The following FRYL variants were observed in gnomAD, a reference collection of about 807,000 sequenced individuals.
FRYL encodes the protein FRY like transcription coactivator, also known as protein furry homolog-like.
A neutral mutation model predicts 351.2 loss-of-function variants in FRYL; 150 were observed. The observed-to-expected ratio is 0.43, with a 90% CI of 0.37 to 0.49. FRYL has a LOEUF of 0.49. FRYL is among the 20% of genes least tolerant of loss of function. The pLI, the probability that FRYL is intolerant of heterozygous loss-of-function variation, is 0.00. For synonymous variants in FRYL, 1,153 were observed against 1,257.1 expected, an observed-to-expected ratio of 0.92 and a Z score of 1.75; for missense variants, 3,036 against 3,619.3, an observed-to-expected ratio of 0.84 and a Z score of 4.13.
At chr4:48,763,468 A>G (rs1252524637) in intron 1 of FRYL, among the ~76,000 whole-genome samples, 3 of 152,224 alleles carry the variant, frequency 2.0e-5, no homozygotes, top group Non-Finnish European at 4.4e-5. Context: ...TCTCTTAAAA[A>G]AAAACTTGGA....
At chr4:48,522,715 T>A (rs1291014129) in intron 54 of FRYL, among the ~76,000 whole-genome samples, 186 bp downstream of exon 54, 1 of 152,186 alleles carries the variant, frequency 6.6e-6, no homozygotes, top group Non-Finnish European at 1.5e-5. Flanking sequence ...CTAATAGGTG[T>A]GCAGTATCAA....
intron 26 of FRYL, 147 bp downstream of exon 26, chr4:48,573,039 A>G (rs1266684863): frequency 1.7e-6 from 1 of 597,510 alleles, no homozygotes; most frequent in Non-Finnish European, 2.9e-6. Flanking sequence ...GTTTCTGCAT[A>G]AGATCTTCTG....
At position 48,553,354 on chromosome 4, in the gene FRYL, T is replaced by C; in HGVS notation, c.4296A>G (p.Arg1432=). ...YVKKVIVYLG[R]DKTMQLLEEL... ...CTTCTAGCAACTGCATTGTTTTATC[T>C]CTACCTAAATATACAATGACCTTCT... Residue 1432 remains arginine (R), a synonymous_variant, in exon 36 of 64, where the codon AGA becomes AGG. Coordinates refer to ENST00000358350, the MANE Select transcript of FRYL (RefSeq NM_015030.2). 1 of 1,612,286 alleles carries C rather than the reference T, an allele frequency of 6.2e-7. No homozygotes were observed. The highest frequency in any genetic ancestry group is 8.5e-7 in the Non-Finnish European group (1 of 1,179,428).
intron 3 of FRYL, among the ~76,000 whole-genome samples, chr4:48,640,184 T>C (rs1201786165): frequency 5.9e-5 from 9 of 152,146 alleles, no homozygotes; most frequent in African/African-American, 2.2e-4. Flanking sequence ...TGAAGACGTA[T>C]GTCCACAAAA....
At chr4:48,543,303 T>C (rs913895198) in intron 44 of FRYL, among the ~76,000 whole-genome samples, 3 of 152,234 alleles carry the variant, frequency 2.0e-5, no homozygotes, top group Non-Finnish European at 4.4e-5. Flanking sequence ...AATTATGTTA[T>C]GTATAATTGG....
rs36223183 is a variant in FRYL, at chr4:48,645,124, T to TTATATATATATATATATATATATA, written c.-80-10658_-80-10635dup. On this transcript the variant is annotated intron_variant, in intron 3 of 63. Transcript: ENST00000358350. ...ATTAAACCAGCAGTGAGCTTTCATT[T>TTATATATATATATATATATATATA]TATATATATATATATATATATATAT... 4.3e-3 allele frequency among the ~76,000 whole-genome samples: 452 copies of TTATATATATATATATATATATATA among 105,212 alleles called. 14 individuals are homozygous for TTATATATATATATATATATATATA. The highest frequency in any genetic ancestry group is 6.3e-3 in the Admixed American group (51 of 8,122). 69.0% of individuals were successfully genotyped at this position (105,212 alleles called of 152,430 possible).
intron 33 of FRYL, among the ~76,000 whole-genome samples, chr4:48,559,979 T>C (rs919385940): frequency 5.3e-5 from 8 of 152,104 alleles, no homozygotes; most frequent in East Asian, 1.9e-4. Context: ...AGGAAATTGA[T>C]ACTAGTGGAG....
At chr4:48,754,581 C>A (rs1167025777) in intron 1 of FRYL, among the ~76,000 whole-genome samples, 11 of 152,092 alleles carry the variant, frequency 7.2e-5, no homozygotes, top group Admixed American at 2.6e-4. Flanking sequence ...AGCATGTGCA[C>A]CACTCTCCAT....
chr4:48,557,072 G>A lies in FRYL; in HGVS notation c.4172C>T (p.Thr1391Ile). Reference sequence around the variant, plus strand: ...GTTTTTGGGCCAGCCATCTGCAAGTGTGGTCCACACATTCTCCACCTCCGA... The same window carrying A: ...GTTTTTGGGCCAGCCATCTGCAAGTATGGTCCACACATTCTCCACCTCCGA... ...AWSEVENVWT[T>I]LADGWPKNLK... Residue 1391 changes from threonine to isoleucine, a missense_variant, in exon 35 of 64, where the codon ACA (threonine) becomes ATA (isoleucine). Around this residue, in one of 7 missense-constraint regions of FRYL, gnomAD observed 1,987 missense variants for 2,311.7 expected, o/e 0.86. Transcript: ENST00000358350. 2 of 1,607,684 alleles carry A rather than the reference G, an allele frequency of 1.2e-6. No homozygotes were observed. Among genetic ancestry groups the A allele is most frequent in the Non-Finnish European group, 1.7e-6 (2 of 1,177,164 alleles).
At chr4:48,671,860 A>AAAAC (rs1762765829) in intron 3 of FRYL, among the ~76,000 whole-genome samples, 2 of 121,592 alleles carry the variant, frequency 1.6e-5, no homozygotes, top group African/African-American at 6.9e-5. Context: ...CTCAAAAACA[A>AAAAC]AAAAAAAAAA....
At chr4:48,602,405 TA>T (rs1348018821) in intron 12 of FRYL, among the ~76,000 whole-genome samples, 1 of 152,192 alleles carries the variant, frequency 6.6e-6, no homozygotes, top group East Asian at 1.9e-4. Context: ...TGGTTATGAC[TA>T]GTCCCTGGGA....
intron 3 of FRYL, among the ~76,000 whole-genome samples, chr4:48,649,920 T>C (rs561388544): frequency 1.3e-5 from 2 of 152,192 alleles, no homozygotes; most frequent in African/African-American, 2.4e-5. Context: ...TGATGAACTA[T>C]AATAATATAC....
At chr4:48,568,703 T>G (rs1737432189) in intron 27 of FRYL, among the ~76,000 whole-genome samples, 2 of 152,214 alleles carry the variant, frequency 1.3e-5, no homozygotes, top group Non-Finnish European at 2.9e-5. Flanking sequence ...ATGTATTGAA[T>G]GAATCAATGT....
chr4:48,665,184 G>A (rs1394412711), intron 3 of FRYL, among the ~76,000 whole-genome samples: 1 of 152,088 alleles, frequency 6.6e-6, no homozygotes, highest in Non-Finnish European at 1.5e-5. Flanking sequence ...CCTGACACAG[G>A]TATTCATTAA....
chr4:48,726,547 T>A (rs1430134027), intron 1 of FRYL, among the ~76,000 whole-genome samples: 1 of 152,154 alleles, frequency 6.6e-6, no homozygotes, highest in African/African-American at 2.4e-5. Context: ...CCAGGCATGG[T>A]GGCGTATGCC....
intron 3 of FRYL, among the ~76,000 whole-genome samples, chr4:48,667,094 A>AT (rs1007705635): frequency 6.6e-5 from 10 of 152,198 alleles, no homozygotes; most frequent in South Asian, 2.1e-4. Flanking sequence ...TTTACAGCTA[A>AT]TTTTTTTTAA....
At chr4:48,612,497 CGTGTGTGT>C (rs10657991) in intron 7 of FRYL, among the ~76,000 whole-genome samples, 10 of 149,968 alleles carry the variant, frequency 6.7e-5, no homozygotes, top group Admixed American at 2.0e-4. Flanking sequence ...TGTGTGTGCA[CGTGTGTGT>C]GTGTGTGTGT....
chr4:48,541,557 C>A (rs1172566768), intron 45 of FRYL, among the ~76,000 whole-genome samples: 1 of 152,026 alleles, frequency 6.6e-6, no homozygotes, highest in African/African-American at 2.4e-5. Context: ...CTATGAGAAC[C>A]CAAAGGATGG....
chr4:48,680,021 T>C (rs1764370055), intron 3 of FRYL, among the ~76,000 whole-genome samples: 1 of 152,066 alleles, frequency 6.6e-6, no homozygotes, highest in South Asian at 2.1e-4. Context: ...GACAGGAAGA[T>C]GTCTATGATG....
Sources: allele counts gnomAD v4.1 joint callset (sites outside exome capture counted in the v4.1 genomes callset), GRCh38; gene constraint gnomAD v4.1.1; regional missense constraint gnomAD v4.1.1; transcripts MANE v1.5; gene names NCBI Gene and HGNC (gene_info 2026-07-23, HGNC 2026-07-21).